Variants in TRPS1 observed in about 807,000 individuals in gnomAD.
The protein encoded by TRPS1 is zinc finger transcription factor Trps1.
A neutral mutation model predicts 101.2 loss-of-function variants in TRPS1; 6 were observed. The ratio of observed to expected loss-of-function variants is 0.06; its 90% CI spans 0.03 to 0.12. The LOEUF is 0.12. TRPS1 is among the 10% of genes least tolerant of loss of function. TRPS1 has a pLI of 1.00. For synonymous variants in TRPS1, 578 were observed against 589.8 expected (o/e 0.98, Z 0.29); for missense variants, 1,363 against 1,567.0 (o/e 0.87, Z 2.20).
intron 5 of TRPS1, among the ~76,000 whole-genome samples, chr8:115,438,436 T>C (rs1167021357): frequency 1.3e-5 from 2 of 152,186 alleles, no homozygotes; most frequent in African/African-American, 4.8e-5. Flanking sequence ...TAGGTTCTGC[T>C]TCAGAGGAAA....
intron 5 of TRPS1, among the ~76,000 whole-genome samples, chr8:115,425,113 C>A (rs1462324576): frequency 1.3e-5 from 2 of 152,300 alleles, no homozygotes; most frequent in East Asian, 3.9e-4. Flanking sequence ...ACCAGGAGCA[C>A]AGGCTGGCCA....
intron 5 of TRPS1, among the ~76,000 whole-genome samples, chr8:115,424,108 T>C (rs557254522): frequency 2.2e-4 from 33 of 152,332 alleles, no homozygotes; most frequent in Non-Finnish European, 4.1e-4. Flanking sequence ...AGAACCATAC[T>C]GAAACCATGT....
intron 2 of TRPS1, among the ~76,000 whole-genome samples, chr8:115,622,125 A>G (rs1818409566): frequency 6.6e-6 from 1 of 152,152 alleles, no homozygotes; most frequent in African/African-American, 2.4e-5. Context: ...AAGAAGGGGA[A>G]TATGAGCTTC....
intron 5 of TRPS1, among the ~76,000 whole-genome samples, chr8:115,462,325 CTG>C (rs71566087): frequency 0.26 from 39,093 of 151,964 alleles, 5,831 homozygotes; most frequent in Middle Eastern, 0.43. Context: ...AACCAACAGA[CTG>C]AGAATTTATA....
rs184312330 is a variant in TRPS1 at position 115,418,554 on chromosome 8, C to T, written c.2701-102G>A. The T allele has an allele frequency of 7.3e-6, 11 of 1,511,696 alleles. No individual in the cohort carries two copies. In the African/African-American group the frequency reaches 1.5e-4, roughly 21 times the overall value. 93.6% of individuals were successfully genotyped at this position (1,511,696 alleles called of 1,614,324 possible). A position where few individuals can be genotyped will look rare whatever the true frequency, so the allele number is the denominator to read the frequency against. On this transcript the variant is annotated intron_variant, in intron 5 of 6. Coordinates refer to ENST00000395715, the MANE Select transcript of TRPS1 (RefSeq NM_014112.5). This position sits in a 1 kb window ranked among gnomAD's most constrained non-coding sequence, Gnocchi z 4.3. ...TTTGTCTTTAAACTAGCAACAATGA[C>T]AGTATAAAACCACACTGCCCATAAT...
intron 3 of TRPS1, among the ~76,000 whole-genome samples, chr8:115,613,041 C>T (rs1818205103): frequency 6.6e-6 from 1 of 152,116 alleles, no homozygotes; most frequent in Admixed American, 6.5e-5. Flanking sequence ...ACTAGAAGAG[C>T]ATAAGACAAC....
At chr8:115,587,720 G>A (rs1330244440) in intron 4 of TRPS1, 116 bp from the exon 5 acceptor site, 1 of 1,545,722 alleles carries the variant, frequency 6.5e-7, no homozygotes, top group East Asian at 2.3e-5. Flanking sequence ...TAGGTAGAAA[G>A]AAATGCAATA....
At chr8:115,608,139 G>C (rs1818081843) in intron 3 of TRPS1, among the ~76,000 whole-genome samples, 1 of 152,126 alleles carries the variant, frequency 6.6e-6, no homozygotes, top group Non-Finnish European at 1.5e-5. Context: ...AAAATTTACT[G>C]CTTCTTAGCT....
In TRPS1 at chr8:115,587,179, C is replaced by G. The variant is rs374086025; in HGVS notation, c.2522G>C (p.Arg841Thr). 1 of 1,614,192 alleles carries G rather than the reference C, an allele frequency of 6.2e-7. No homozygotes were observed. Among genetic ancestry groups the G allele is most frequent in the East Asian group, 2.2e-5 (1 of 44,862 alleles). Residue 841 changes from arginine (R) to threonine (T), a missense_variant, in exon 5 of 7, where the codon AGG becomes ACG. Arg to Thr is a moderately conservative substitution (Grantham distance 71). Transcript: ENST00000395715. The stretch of plus-strand genomic sequence containing the variant: ...GGCGGCCTCCACATTGGGACTATCC[C>G]TTAGAGTCTTTGTCTGCTCTTGGGT... ...SGTQEQTKTL[R>T]DSPNVEAAHL...
chr8:115,555,241 A>C (rs1021757169), intron 5 of TRPS1, among the ~76,000 whole-genome samples: 16 of 152,186 alleles, frequency 1.1e-4, no homozygotes, highest in African/African-American at 3.9e-4. Flanking sequence ...CGCTCTTAGA[A>C]CATTCAGTAA....
At chr8:115,639,058 GA>G (rs1406017688) in intron 1 of TRPS1, among the ~76,000 whole-genome samples, 17 of 151,938 alleles carry the variant, frequency 1.1e-4, no homozygotes, top group African/African-American at 4.1e-4. Flanking sequence ...ATCACTATAT[GA>G]TTTTATTTAT....
intron 3 of TRPS1, among the ~76,000 whole-genome samples, chr8:115,609,551 G>C (rs550279156): frequency 2.0e-5 from 3 of 152,230 alleles, no homozygotes; most frequent in Admixed American, 6.5e-5. Context: ...GAGATTCGCT[G>C]GCCACAGTAC....
intron 5 of TRPS1, among the ~76,000 whole-genome samples, chr8:115,524,536 G>T (rs1815948624): frequency 1.3e-5 from 2 of 151,756 alleles, no homozygotes; most frequent in Non-Finnish European, 2.9e-5. Context: ...GGTCAGGCTG[G>T]TCTCGAACTC....
intron 1 of TRPS1, among the ~76,000 whole-genome samples, chr8:115,658,864 G>A (rs975348523): frequency 2.0e-5 from 3 of 152,034 alleles, no homozygotes; most frequent in Admixed American, 6.5e-5. Context: ...GCAAGATTGT[G>A]TACACATATT....
intron 5 of TRPS1, among the ~76,000 whole-genome samples, chr8:115,493,394 G>C (rs974627190): frequency 2.6e-5 from 4 of 152,066 alleles, no homozygotes; most frequent in African/African-American, 7.2e-5. Context: ...GGCTCCTGTT[G>C]CCCAGGCTGA....
chr8:115,460,693 C>T (rs777991647), intron 5 of TRPS1, among the ~76,000 whole-genome samples: 5 of 151,942 alleles, frequency 3.3e-5, no homozygotes, highest in East Asian at 1.9e-4. Context: ...CAAGACCATG[C>T]GATTCAATTA....
intron 5 of TRPS1, among the ~76,000 whole-genome samples, chr8:115,564,039 G>A (rs568286036): frequency 6.6e-6 from 1 of 152,012 alleles, no homozygotes; most frequent in South Asian, 2.1e-4. Flanking sequence ...TTCAGTTCTT[G>A]CAGTGAACAG....
At chr8:115,663,721 G>GAAAAAAA (rs1201864123) in intron 1 of TRPS1, among the ~76,000 whole-genome samples, 10 of 76,748 alleles carry the variant, frequency 1.3e-4, no homozygotes, top group African/African-American at 1.4e-4. Flanking sequence ...CTTGGAAAAG[G>GAAAAAAA]AAAAAAAAAA....
In TRPS1 at chr8:115,414,707, G is replaced by A. The variant is rs1297921158; in HGVS notation, c.3201C>T (p.Ser1067=). 8 of 1,613,870 alleles carry A rather than the reference G, an allele frequency of 5.0e-6. No individual in the cohort carries two copies. Among genetic ancestry groups the A allele is most frequent in the Non-Finnish European group, 5.9e-6 (7 of 1,179,956 alleles). The part of the protein sequence containing the change: ...ESTGDPGNSS[S]VSEGKGSSER... ...CAGAACTTCCTTTCCCTTCAGATACGGATGAACTATTTCCTGGATCTCCAG... is the reference window on the plus strand; with the variant it reads ...CAGAACTTCCTTTCCCTTCAGATACAGATGAACTATTTCCTGGATCTCCAG... The change falls in exon 7 of 7, where the codon TCC becomes TCT. Residue 1067 remains serine (S), a synonymous_variant. Coordinates refer to ENST00000395715, the MANE Select transcript of TRPS1 (RefSeq NM_014112.5). The surrounding 1 kb of genome is among the most constrained non-coding windows in gnomAD (Gnocchi z 4.8).
Sources: allele counts gnomAD v4.1 joint callset (sites outside exome capture counted in the v4.1 genomes callset), GRCh38; gene constraint gnomAD v4.1.1; non-coding constraint Gnocchi (gnomAD v3.1); transcripts MANE v1.5; gene names NCBI Gene and HGNC (gene_info 2026-07-23, HGNC 2026-07-21).